Variants in DNAI7 observed in about 807,000 individuals in gnomAD.
The protein encoded by DNAI7 is cancer susceptibility 1.
A neutral mutation model predicts 86.6 loss-of-function variants in DNAI7; 78 were observed. That is an observed-to-expected ratio of 0.90 (90% CI 0.75 to 1.09). The LOEUF is 1.09. DNAI7 is among the 50% of genes least tolerant of loss of function. DNAI7 has a pLI of 0.00. For synonymous variants in DNAI7, 274 were observed against 273.0 expected (o/e 1.00, Z -0.04); for missense variants, 753 against 810.2 (o/e 0.93, Z 0.86).
At chr12:25,172,538 T>C (rs1437315559) in intron 2 of DNAI7, among the ~76,000 whole-genome samples, 1 of 152,118 alleles carries the variant, frequency 6.6e-6, no homozygotes. Flanking sequence ...AAAAGCAATC[T>C]ACAAATTCAA....
chr12:25,123,934 G>A (rs1002477086), intron 9 of DNAI7, among the ~76,000 whole-genome samples: 1 of 151,968 alleles, frequency 6.6e-6, no homozygotes, highest in African/African-American at 2.4e-5. Flanking sequence ...CTGAAGCTGA[G>A]GGAGATAACT....
intron 6 of DNAI7, among the ~76,000 whole-genome samples, chr12:25,154,068 A>AT (rs1161801434): frequency 1.3e-5 from 2 of 151,694 alleles, no homozygotes; most frequent in Admixed American, 6.6e-5. Flanking sequence ...ATGCAACTTG[A>AT]TTTTTTTTTC....
intron 8 of DNAI7, among the ~76,000 whole-genome samples, chr12:25,146,630 C>T (rs1262915484): frequency 6.6e-6 from 1 of 151,488 alleles, no homozygotes; most frequent in Non-Finnish European, 1.5e-5. Context: ...GCACCTACCA[C>T]TTCTACTTTT....
chr12:25,172,744 TA>T (rs201487072), intron 2 of DNAI7, among the ~76,000 whole-genome samples: 1,813 of 152,172 alleles, frequency 0.012, 33 homozygotes, highest in African/African-American at 0.042. Context: ...GGTACTGGTA[TA>T]AAAATAGGCT....
intron 2 of DNAI7, among the ~76,000 whole-genome samples, chr12:25,173,974 C>T (rs1201126925): frequency 6.8e-6 from 1 of 146,856 alleles, no homozygotes; most frequent in Admixed American, 6.8e-5. Context: ...ATATGGAATA[C>T]ATATATCATA....
intron 1 of DNAI7, among the ~76,000 whole-genome samples, chr12:25,193,708 C>A (rs1019727103): frequency 5.9e-5 from 9 of 152,246 alleles, no homozygotes; most frequent in African/African-American, 2.2e-4. Flanking sequence ...ACTCAGGTAA[C>A]AAATTGGAAG....
At chr12:25,120,330 G>C (rs117958700) in intron 11 of DNAI7, among the ~76,000 whole-genome samples, 8,665 of 147,800 alleles carry the variant, frequency 0.059, 461 homozygotes, top group Non-Finnish European at 0.089. Context: ...GAGAGAGAGA[G>C]AGAGAGAGAG....
intron 13 of DNAI7, among the ~76,000 whole-genome samples, chr12:25,113,413 C>T (rs867027489): frequency 7.2e-5 from 11 of 151,976 alleles, no homozygotes; most frequent in Middle Eastern, 3.4e-3. Context: ...GCGATTCTTC[C>T]GCCTCGGCCT....
In DNAI7 at chr12:25,108,780, C is replaced by CAATT. The variant is rs769761428; in HGVS notation, c.1933_1936dup (p.Trp646Ter). On this transcript the variant is annotated stop_gained and frameshift_variant, in exon 16 of 16. Transcript: ENST00000395987. LOFTEE classifies it low-confidence loss of function (END_TRUNC). ...GTCACCACTAAACATTAAAAGGGCC[C>CAATT]AATTAGGATTCTCAGTACATGCTTC... The CAATT allele has an allele frequency of 4.9e-5, 65 of 1,329,060 alleles. No homozygotes were observed. Among genetic ancestry groups the CAATT allele is most frequent in the Non-Finnish European group, 6.6e-5 (65 of 982,778 alleles). The allele number at this position is 1,329,060 out of a possible 1,614,324, so 82.3% of individuals were successfully genotyped here.
rs561241113 is a variant in DNAI7, at chr12:25,156,592, T to G, written c.199-1180A>C. ...CCCATCTCTATTAAAAATACGAAAA[T>G]TAGCCGGGCGCGGTGGCGGGTGCCT... is the stretch of plus-strand genomic sequence containing the variant. On this transcript the variant is annotated intron_variant, in intron 4 of 15. Transcript: ENST00000395987. Among the ~76,000 whole-genome samples, 3 of 152,082 alleles carry G rather than the reference T, an allele frequency of 2.0e-5. No individual in the cohort carries two copies. The South Asian group carries it at 6.2e-4, about 32-fold the overall frequency.
intron 4 of DNAI7, 60 bp from the exon 5 acceptor site, chr12:25,155,472 G>C (rs1167149426): frequency 2.2e-6 from 2 of 895,624 alleles, no homozygotes; most frequent in Non-Finnish European, 3.4e-6. Context: ...TGTTTCACAA[G>C]TAGCATCTAA....
chr12:25,111,717 A>T, intron 14 of DNAI7, 55 bp downstream of exon 14: 1 of 1,114,800 alleles, frequency 9.0e-7, no homozygotes. Context: ...AACATTTAAT[A>T]ATTGCTAACA....
chr12:25,161,056 C>T (rs1485873354), intron 3 of DNAI7, 57 bp downstream of exon 3: 2 of 1,320,270 alleles, frequency 1.5e-6, no homozygotes, highest in Admixed American at 1.8e-5. Flanking sequence ...CTACAAAAGA[C>T]CAACCTATCG....
chr12:25,134,642 C>T (rs952071012), intron 9 of DNAI7, among the ~76,000 whole-genome samples: 8 of 152,146 alleles, frequency 5.3e-5, no homozygotes, highest in African/African-American at 1.9e-4. Context: ...TAGTCATGAG[C>T]CACTGCACCT....
chr12:25,138,024 C>A (rs541863295), intron 9 of DNAI7, among the ~76,000 whole-genome samples: 1 of 151,632 alleles, frequency 6.6e-6, no homozygotes. Flanking sequence ...CAAAACAAAA[C>A]TATACCCTAG....
chr12:25,130,394 G>A (rs536248936), intron 9 of DNAI7, among the ~76,000 whole-genome samples: 2 of 152,034 alleles, frequency 1.3e-5, no homozygotes, highest in East Asian at 1.9e-4. Flanking sequence ...AAAATTAGCC[G>A]GGCGCGGGGG....
chr12:25,141,897 GA>G (rs1193705672), intron 9 of DNAI7, among the ~76,000 whole-genome samples: 1 of 152,094 alleles, frequency 6.6e-6, no homozygotes, highest in Non-Finnish European at 1.5e-5. Flanking sequence ...TGGATGGGGT[GA>G]AAAGAGAACA....
At chr12:25,174,354 A>T in intron 2 of DNAI7, among the ~76,000 whole-genome samples, 1 of 6,892 alleles carries the variant, frequency 1.5e-4, no homozygotes, top group Non-Finnish European at 2.6e-4. Context: ...TATATGATAT[A>T]TATATCCCAT....
intron 4 of DNAI7, among the ~76,000 whole-genome samples, chr12:25,155,924 G>A (rs1016254702): frequency 4.6e-5 from 7 of 152,130 alleles, no homozygotes; most frequent in African/African-American, 1.7e-4. Flanking sequence ...AGCCAACATG[G>A]TGAAACACCA....
Sources: allele counts gnomAD v4.1 joint callset (sites outside exome capture counted in the v4.1 genomes callset), GRCh38; gene constraint gnomAD v4.1.1; transcripts MANE v1.5; gene names NCBI Gene and HGNC (gene_info 2026-07-23, HGNC 2026-07-21).